Variants in ANKS1B observed in about 807,000 individuals in gnomAD.
The protein encoded by ANKS1B is ankyrin repeat and sterile alpha motif domain containing 1B.
A neutral mutation model predicts 148.3 loss-of-function variants in ANKS1B; 36 were observed. That is an observed-to-expected ratio of 0.24 (90% CI 0.19 to 0.32). The LOEUF is 0.32. Among genes scored for constraint, ANKS1B ranks in the 10% least tolerant of loss-of-function variants. The pLI is 1.00. For missense variants in ANKS1B, 1,157 were observed against 1,542.6 expected, an observed-to-expected ratio of 0.75 and a Z score of 4.19; for synonymous variants, 542 against 560.8, an observed-to-expected ratio of 0.97 and a Z score of 0.47.
At chr12:99,464,369 C>A (rs1389509044) in intron 10 of ANKS1B, among the ~76,000 whole-genome samples, 3 of 152,126 alleles carry the variant, frequency 2.0e-5, no homozygotes, top group Non-Finnish European at 2.9e-5. Context: ...ACTGGAAACC[C>A]TAAAAAGCAG....
intron 10 of ANKS1B, among the ~76,000 whole-genome samples, chr12:99,499,801 T>C (rs1034400213): frequency 6.6e-6 from 1 of 152,174 alleles, no homozygotes; most frequent in Non-Finnish European, 1.5e-5. Context: ...CAAATGACTG[T>C]TGTTTTCACT....
At chr12:99,287,429 A>C (rs2079289910) in intron 12 of ANKS1B, among the ~76,000 whole-genome samples, 1 of 152,180 alleles carries the variant, frequency 6.6e-6, no homozygotes, top group African/African-American at 2.4e-5. Flanking sequence ...AAGCCTTCCC[A>C]AGAAGGATGG....
At chr12:98,847,097 T>C (rs2099482586) in intron 17 of ANKS1B, among the ~76,000 whole-genome samples, 1 of 152,200 alleles carries the variant, frequency 6.6e-6, no homozygotes, top group African/African-American at 2.4e-5. Flanking sequence ...TCATTATTAT[T>C]ATCATCATTT....
intron 1 of ANKS1B, among the ~76,000 whole-genome samples, chr12:99,955,532 C>T (rs562588885): frequency 7.4e-6 from 1 of 134,796 alleles, no homozygotes; most frequent in East Asian, 2.5e-4. Context: ...AAAAAAAGGC[C>T]TTCTCCTGTC....
At chr12:98,845,459 T>C (rs1457975068) in intron 17 of ANKS1B, among the ~76,000 whole-genome samples, 2 of 152,226 alleles carry the variant, frequency 1.3e-5, no homozygotes, top group Non-Finnish European at 2.9e-5. Flanking sequence ...CAGAGACTCA[T>C]TAAATGTAAG....
chr12:98,868,377 T>C (rs757678364), intron 17 of ANKS1B, among the ~76,000 whole-genome samples: 2 of 152,202 alleles, frequency 1.3e-5, no homozygotes, highest in Non-Finnish European at 2.9e-5. Context: ...GAAGAATCCA[T>C]GGATGGTGCA....
chr12:98,988,229 T>C (rs1244097568), intron 17 of ANKS1B, among the ~76,000 whole-genome samples: 1 of 152,170 alleles, frequency 6.6e-6, no homozygotes, highest in East Asian at 1.9e-4. Flanking sequence ...TGAAAATTTG[T>C]TATCTTTTGA....
At chr12:99,934,456 G>A (rs1219085667) in intron 1 of ANKS1B, among the ~76,000 whole-genome samples, 1 of 151,988 alleles carries the variant, frequency 6.6e-6, no homozygotes, top group Non-Finnish European at 1.5e-5. Context: ...AGTTGTTATT[G>A]GTCTGTTCAA....
chr12:99,945,137 T>C (rs1424405155), intron 1 of ANKS1B, among the ~76,000 whole-genome samples: 1 of 152,100 alleles, frequency 6.6e-6, no homozygotes, highest in South Asian at 2.1e-4. Context: ...AGATATGAAA[T>C]GATTTCTGTT....
At chr12:99,687,999 T>C (rs897892710) in intron 8 of ANKS1B, among the ~76,000 whole-genome samples, 3 of 152,220 alleles carry the variant, frequency 2.0e-5, no homozygotes, top group Non-Finnish European at 4.4e-5. Context: ...CTTTAAACTT[T>C]GTTAGGATAA....
At chr12:99,757,273 A>G (rs2061657003) in intron 8 of ANKS1B, among the ~76,000 whole-genome samples, 1 of 152,098 alleles carries the variant, frequency 6.6e-6, no homozygotes, top group Admixed American at 6.6e-5. Context: ...ACCACATAAA[A>G]AAGTGGGCAA....
At chr12:98,759,841 G>A (rs958798667) in intron 25 of ANKS1B, among the ~76,000 whole-genome samples, 5 of 152,108 alleles carry the variant, frequency 3.3e-5, no homozygotes, top group African/African-American at 7.2e-5. Context: ...TTAGCTGGGC[G>A]TGGTGGTGCA....
At position 99,049,372 on chromosome 12, in the gene ANKS1B, C is replaced by T. The variant is rs141477052; in HGVS notation, c.2778+3785G>A. Among the ~76,000 whole-genome samples the T allele has an allele frequency of 5.3e-5, 8 of 152,096 alleles. No homozygotes were observed. The East Asian group carries it at 1.2e-3, about 22-fold the overall frequency. ...AAAAAAAATTAGGAAATAAAGTTAT[C>T]GCAACTTTAGCAATGAGAGCGGGGT... On this transcript the variant is annotated intron_variant, in intron 17 of 26. Transcript: ENST00000683438.
At chr12:98,949,788 T>C (rs1423798301) in intron 17 of ANKS1B, 1 of 152,188 alleles carries the variant, frequency 6.6e-6, no homozygotes, top group Non-Finnish European at 1.5e-5. Context: ...GGAAATAGTA[T>C]GGAGGTCAAG....
chr12:99,032,205 A>T (rs1178968419), intron 17 of ANKS1B, among the ~76,000 whole-genome samples: 1 of 152,204 alleles, frequency 6.6e-6, no homozygotes, highest in African/African-American at 2.4e-5. Flanking sequence ...AACAAATACT[A>T]GGTTATAACA....
At chr12:99,715,302 G>A (rs2057166692) in intron 8 of ANKS1B, among the ~76,000 whole-genome samples, 1 of 152,004 alleles carries the variant, frequency 6.6e-6, no homozygotes, top group Admixed American at 6.6e-5. Flanking sequence ...AAAATGGCCT[G>A]TTCCTGCCTT....
intron 12 of ANKS1B, among the ~76,000 whole-genome samples, chr12:99,392,868 C>T (rs180671571): frequency 7.2e-6 from 1 of 139,364 alleles, no homozygotes; most frequent in East Asian, 2.6e-4. Context: ...AAATCATTAT[C>T]TCAACTATCT....
chr12:99,760,772 A>T (rs549391577), intron 8 of ANKS1B, among the ~76,000 whole-genome samples: 15 of 151,744 alleles, frequency 9.9e-5, no homozygotes, highest in Non-Finnish European at 3.0e-5. Context: ...GCATGAAAGG[A>T]TAAATAAGAT....
At chr12:99,176,414 T>C (rs1478077877) in intron 14 of ANKS1B, among the ~76,000 whole-genome samples, 4 of 152,190 alleles carry the variant, frequency 2.6e-5, no homozygotes, top group African/African-American at 9.7e-5. Context: ...AGGCACTTTT[T>C]CCTCAGTATG....
Sources: gnomAD v4.1 joint callset for allele counts (sites outside exome capture counted in the v4.1 genomes callset) on GRCh38, gnomAD v4.1.1 for gene constraint, MANE v1.5 for transcripts, NCBI Gene and HGNC (gene_info 2026-07-23, HGNC 2026-07-21) for gene names.